Variants in ANKRD11 observed in about 807,000 individuals in gnomAD.
The protein encoded by ANKRD11 is ankyrin repeat domain-containing protein 11.
Under a neutral mutation model 195.7 loss-of-function variants are expected in ANKRD11, and 17 were observed. That is an observed-to-expected ratio of 0.09 (90% CI 0.06 to 0.13). The LOEUF (loss-of-function observed/expected upper bound fraction) is 0.13, where lower values mean the gene tolerates loss of function less well. ANKRD11 is among the 10% of genes least tolerant of loss of function. The pLI is 1.00. For synonymous variants in ANKRD11, 1,953 were observed against 1,528.1 expected (o/e 1.28, Z -6.49); for missense variants, 3,735 against 3,566.1 (o/e 1.05, Z -1.21).
intron 2 of ANKRD11, among the ~76,000 whole-genome samples, chr16:89,323,564 A>AGAGCCC (rs2037494813): frequency 8.0e-5 from 1 of 12,566 alleles, no homozygotes; most frequent in Non-Finnish European, 1.6e-4. Context: ...GGTCTGAGCT[A>AGAGCCC]AGGGCACGGG....
At chr16:89,334,630 C>T (rs1436431274) in intron 2 of ANKRD11, among the ~76,000 whole-genome samples, 1 of 152,110 alleles carries the variant, frequency 6.6e-6, no homozygotes, top group East Asian at 1.9e-4. Context: ...CAGAGCCCAG[C>T]GCAGTCTCAG....
In ANKRD11 at chr16:89,283,882, T is replaced by C; in HGVS notation, c.2660A>G (p.Glu887Gly). ...ILETVKEDSKERRRDSRAREK... is the reference protein window; with the variant it reads ...ILETVKEDSKGRRRDSRAREK... Reference sequence around the variant, plus strand: ...CCGGGCCCGGCTGTCCCGCCTCCTCTCCTTGCTGTCCTCCTTCACCGTCTC... The same window carrying C: ...CCGGGCCCGGCTGTCCCGCCTCCTCCCCTTGCTGTCCTCCTTCACCGTCTC... Residue 887 changes from glutamate to glycine, a missense_variant, in exon 9 of 13, where the codon GAG (glutamate) becomes GGG (glycine). Physicochemically the swap from Glu to Gly is moderately conservative, Grantham distance 98. Transcript: ENST00000301030. The surrounding 1 kb of genome is among the most constrained non-coding windows in gnomAD (Gnocchi z 4.3). 6.2e-7 allele frequency: 1 copy of C among 1,614,176 alleles called. No homozygotes were observed. Among genetic ancestry groups the C allele is most frequent in the South Asian group, 1.1e-5 (1 of 91,088 alleles).
intron 9 of ANKRD11, chr16:89,278,240 C>T (rs1241793540): frequency 1.5e-5 from 5 of 344,818 alleles, no homozygotes; most frequent in South Asian, 8.7e-5. Flanking sequence ...AGGCCGTCAC[C>T]GAGGACAGAC....
intron 4 of ANKRD11, chr16:89,297,570 G>A (rs1436521507): frequency 6.6e-6 from 1 of 152,212 alleles, no homozygotes; most frequent in Non-Finnish European, 1.5e-5. Context: ...GAGGCGGATG[G>A]TCCACAACGC....
At chr16:89,344,966 AG>A (rs1402721420) in intron 2 of ANKRD11, among the ~76,000 whole-genome samples, 1 of 152,218 alleles carries the variant, frequency 6.6e-6, no homozygotes, top group Non-Finnish European at 1.5e-5. Flanking sequence ...TGAAAATCTC[AG>A]GAAAAAGCAC....
chr16:89,280,957 A>G lies in ANKRD11; in HGVS notation c.5585T>C (p.Val1862Ala). 6.4e-7 allele frequency: 1 copy of G among 1,573,494 alleles called. No homozygotes were observed. Among genetic ancestry groups the G allele is most frequent in the Non-Finnish European group, 8.6e-7 (1 of 1,156,872 alleles). Residue 1862 changes from valine (V) to alanine (A), a missense_variant, in exon 9 of 13, where the codon GTC becomes GCC. By Grantham distance (64) the Val-to-Ala change is moderately conservative. Coordinates refer to ENST00000301030, the MANE Select transcript of ANKRD11 (RefSeq NM_013275.6). ...AGCCGGTGGGCAGTGCAAAGCGTCG[A>G]CTTTGGGCGACGGGAGGCCATAGTC... ...SPDYGLPSPK[V>A]DALHCPPAAV...
At chr16:89,324,519 A>G in intron 2 of ANKRD11, 1 of 456,232 alleles carries the variant, frequency 2.2e-6, no homozygotes, top group South Asian at 1.5e-5. Flanking sequence ...GGAAGCTGCC[A>G]AAGGAGATTC....
intron 2 of ANKRD11, among the ~76,000 whole-genome samples, chr16:89,408,655 C>A (rs2042002044): frequency 6.6e-6 from 1 of 152,086 alleles, no homozygotes; most frequent in Non-Finnish European, 1.5e-5. Flanking sequence ...AGCCCCTCCT[C>A]GCACCCCCTG....
rs201826191 is a variant in ANKRD11, at chr16:89,283,662, C to G, written c.2880G>C (p.Glu960Asp). The stretch of plus-strand genomic sequence containing the variant: ...CGGGCTTGGCCCTGCCGTCCCTGCG[C>G]TCCTTGCAGCTCTCCAGGGCGTCCT... ...DRKDALESCK[E>D]RRDGRAKPEE... Residue 960 changes from glutamate (E) to aspartate (D), a missense_variant, in exon 9 of 13, where the codon GAG (glutamate) becomes GAC (aspartate). Glu to Asp is a conservative substitution (Grantham distance 45). Transcript: ENST00000301030. The surrounding 1 kb of genome is among the most constrained non-coding windows in gnomAD (Gnocchi z 4.3). The G allele has an allele frequency of 1.2e-4, 194 of 1,611,962 alleles. No individual in the cohort carries two copies. Among genetic ancestry groups the G allele is most frequent in the Non-Finnish European group, 1.6e-4 (183 of 1,179,976 alleles).
At chr16:89,270,355 G>A (rs193000723) in intron 12 of ANKRD11, 196 of 262,632 alleles carry the variant, frequency 7.5e-4, no homozygotes, top group Middle Eastern at 2.8e-3. Context: ...GCAAGTTTCC[G>A]CCTTCCGTTG....
At chr16:89,334,801 G>A (rs1335642349) in intron 2 of ANKRD11, among the ~76,000 whole-genome samples, 1 of 152,166 alleles carries the variant, frequency 6.6e-6, no homozygotes, top group East Asian at 1.9e-4. Context: ...ACCAGCAGAA[G>A]AGCAAATGAG....
At chr16:89,457,667 G>A (rs1265777891) in intron 1 of ANKRD11, among the ~76,000 whole-genome samples, 1 of 152,040 alleles carries the variant, frequency 6.6e-6, no homozygotes, top group Non-Finnish European at 1.5e-5. Flanking sequence ...ACAGAAAGTG[G>A]GCTGGCAGTG....
intron 6 of ANKRD11, among the ~76,000 whole-genome samples, chr16:89,289,615 G>A (rs1337779118): frequency 2.0e-5 from 3 of 152,184 alleles, no homozygotes; most frequent in Admixed American, 2.0e-4. Context: ...CGACCCAGCC[G>A]GCCTCCCGGC....
intron 3 of ANKRD11, among the ~76,000 whole-genome samples, chr16:89,313,021 C>T (rs182575105): frequency 6.6e-6 from 1 of 152,284 alleles, no homozygotes; most frequent in East Asian, 1.9e-4. Flanking sequence ...GCTCAGTTCT[C>T]AACTGCAGCC....
intron 1 of ANKRD11, among the ~76,000 whole-genome samples, chr16:89,447,461 T>A (rs1358774978): frequency 6.6e-6 from 1 of 152,166 alleles, no homozygotes; most frequent in Non-Finnish European, 1.5e-5. Context: ...AGGGTCCTCA[T>A]GATCCCATCC....
chr16:89,474,362 A>G (rs2057185808), intron 1 of ANKRD11, among the ~76,000 whole-genome samples: 2 of 152,100 alleles, frequency 1.3e-5, no homozygotes, highest in Admixed American at 1.3e-4. Flanking sequence ...CATGCCTGTA[A>G]TCCCAGCACT....
At chr16:89,317,206 C>A in intron 2 of ANKRD11, 128 bp from the exon 3 acceptor site, 1 of 725,904 alleles carries the variant, frequency 1.4e-6, no homozygotes. Context: ...GGCTGGGGCC[C>A]GGGCCAGGCC....
At chr16:89,349,859 AAAAC>A (rs1388660169) in intron 2 of ANKRD11, among the ~76,000 whole-genome samples, 2 of 125,254 alleles carry the variant, frequency 1.6e-5, no homozygotes, top group East Asian at 2.3e-4. Flanking sequence ...AATACTTGTT[AAAAC>A]ACACACACAC....
At chr16:89,448,033 G>T (rs1366711769) in intron 1 of ANKRD11, among the ~76,000 whole-genome samples, 1 of 150,706 alleles carries the variant, frequency 6.6e-6, no homozygotes, top group Non-Finnish European at 1.5e-5. Context: ...TCCAACTCCT[G>T]ACCTCAGGTG....
Sources: allele counts gnomAD v4.1 joint callset (sites outside exome capture counted in the v4.1 genomes callset), GRCh38; gene constraint gnomAD v4.1.1; non-coding constraint Gnocchi (gnomAD v3.1); transcripts MANE v1.5; gene names NCBI Gene and HGNC (gene_info 2026-07-23, HGNC 2026-07-21).